RPTOR: variants seen among roughly 807,000 people sequenced by gnomAD.
RPTOR encodes regulatory-associated protein of mTOR.
Under a neutral mutation model 169.9 loss-of-function variants are expected in RPTOR, and 21 were observed. That is an observed-to-expected ratio of 0.12 (90% CI 0.09 to 0.18). The LOEUF is 0.18. RPTOR is among the 10% of genes least tolerant of loss of function. The pLI is 1.00. For missense variants in RPTOR, 1,133 were observed against 1,855.9 expected, an observed-to-expected ratio of 0.61 and a Z score of 7.16; for synonymous variants, 732 against 753.2, an observed-to-expected ratio of 0.97 and a Z score of 0.46.
At chr17:80,683,214 C>G (rs562870967) in intron 3 of RPTOR, among the ~76,000 whole-genome samples, 1 of 152,330 alleles carries the variant, frequency 6.6e-6, no homozygotes, top group African/African-American at 2.4e-5. Context: ...TCATCCTCCT[C>G]AGCTTTGCTT....
At chr17:80,755,183 G>C (rs2066668121) in intron 6 of RPTOR, among the ~76,000 whole-genome samples, 1 of 152,180 alleles carries the variant, frequency 6.6e-6, no homozygotes, top group African/African-American at 2.4e-5. Context: ...CATGATGTTG[G>C]GGTGACTGCA....
At chr17:80,857,247 AC>A (rs2067862701) in intron 12 of RPTOR, among the ~76,000 whole-genome samples, 1 of 152,010 alleles carries the variant, frequency 6.6e-6, no homozygotes, top group Non-Finnish European at 1.5e-5. Flanking sequence ...CCCCTGGGCA[AC>A]CCCCGCTCCT....
At chr17:80,575,481 G>A (rs879395749) in intron 1 of RPTOR, among the ~76,000 whole-genome samples, 9 of 152,222 alleles carry the variant, frequency 5.9e-5, no homozygotes, top group East Asian at 1.9e-4. Context: ...TGCACCGCAC[G>A]TCTGTAGGGG....
chr17:80,723,595 A>C (rs1421057389), intron 4 of RPTOR, among the ~76,000 whole-genome samples: 1 of 151,350 alleles, frequency 6.6e-6, no homozygotes, highest in African/African-American at 2.5e-5. Flanking sequence ...CCATTTTTCC[A>C]AGGATCTTTG....
chr17:80,760,307 C>CTT (rs71164001), intron 6 of RPTOR, among the ~76,000 whole-genome samples: 12 of 116,482 alleles, frequency 1.0e-4, no homozygotes, highest in Admixed American at 5.3e-4. Flanking sequence ...TTTCTTTTTT[C>CTT]TTTTTTTTTT....
chr17:80,753,958 T>C, intron 5 of RPTOR, 52 bp from the exon 6 acceptor site: 3 of 1,505,108 alleles, frequency 2.0e-6, no homozygotes, highest in Non-Finnish European at 2.8e-6. Flanking sequence ...ACTATTTGGT[T>C]GTGACCAGCA....
At chr17:80,650,583 T>C (rs2065632503) in intron 3 of RPTOR, among the ~76,000 whole-genome samples, 1 of 152,246 alleles carries the variant, frequency 6.6e-6, no homozygotes, top group Non-Finnish European at 1.5e-5. Context: ...CTTAGAAATG[T>C]AACTCTGGAC....
intron 3 of RPTOR, among the ~76,000 whole-genome samples, chr17:80,687,205 C>G (rs2065955140): frequency 6.6e-6 from 1 of 152,246 alleles, no homozygotes; most frequent in African/African-American, 2.4e-5. Flanking sequence ...TCCTCACTGT[C>G]TAGTCTTCTT....
At chr17:80,917,574 A>G (rs1193676822) in intron 21 of RPTOR, among the ~76,000 whole-genome samples, 7 of 152,160 alleles carry the variant, frequency 4.6e-5, no homozygotes, top group African/African-American at 1.7e-4. Flanking sequence ...GCATGTTTGC[A>G]ATTAACCTCT....
At chr17:80,649,193 C>G (rs1038962691) in intron 3 of RPTOR, among the ~76,000 whole-genome samples, 12 of 152,202 alleles carry the variant, frequency 7.9e-5, no homozygotes, top group African/African-American at 2.9e-4. Context: ...GTACTCCACA[C>G]CTGGAGGTGC....
chr17:80,944,364 A>T (rs183297376), intron 25 of RPTOR, among the ~76,000 whole-genome samples: 2 of 152,344 alleles, frequency 1.3e-5, no homozygotes, highest in Non-Finnish European at 2.9e-5. Flanking sequence ...AAACTTTAGC[A>T]CTTTCTTCAT....
chr17:80,606,234 T>C (rs1188414989), intron 1 of RPTOR, among the ~76,000 whole-genome samples: 1 of 151,790 alleles, frequency 6.6e-6, no homozygotes. Context: ...GTGGTCTCGA[T>C]CTGCTGACCT....
intron 20 of RPTOR, among the ~76,000 whole-genome samples, chr17:80,897,517 G>A (rs1462986314): frequency 2.0e-5 from 3 of 152,218 alleles, no homozygotes; most frequent in African/African-American, 7.2e-5. Context: ...CCTGTGCATG[G>A]CTGTTTGTTA....
chr17:80,636,959 A>G (rs1369686523), intron 2 of RPTOR, among the ~76,000 whole-genome samples: 1 of 152,264 alleles, frequency 6.6e-6, no homozygotes, highest in Non-Finnish European at 1.5e-5. Context: ...GAAGGTCTCC[A>G]GCAGATTCTG....
At chr17:80,592,018 C>T (rs1049220151) in intron 1 of RPTOR, among the ~76,000 whole-genome samples, 3 of 152,156 alleles carry the variant, frequency 2.0e-5, no homozygotes, top group Non-Finnish European at 4.4e-5. Context: ...GTGATGGATG[C>T]TTACTCATCC....
At chr17:80,579,190 A>G (rs1471060360) in intron 1 of RPTOR, among the ~76,000 whole-genome samples, 4 of 151,454 alleles carry the variant, frequency 2.6e-5, no homozygotes, top group African/African-American at 9.7e-5. Context: ...TTATTTGTTT[A>G]TTTATTTATT....
Position 80,822,840 on chromosome 17 carries a change from T to A in RPTOR, c.992-239T>A, listed in dbSNP as rs527674637. ...CCCATGTGTAATGTATCTGTATAGG[T>A]ACACACCTGTGCACACACATGTATG... On this transcript the variant is annotated intron_variant, in intron 8 of 33. Transcript: ENST00000306801. Among the ~76,000 whole-genome samples the A allele has an allele frequency of 2.6e-5, 4 of 152,240 alleles. No individual in the cohort carries two copies. In the South Asian group the frequency reaches 8.3e-4, roughly 32 times the overall value.
At chr17:80,778,332 C>T (rs1161098762) in intron 6 of RPTOR, among the ~76,000 whole-genome samples, 1 of 152,144 alleles carries the variant, frequency 6.6e-6, no homozygotes, top group Non-Finnish European at 1.5e-5. Flanking sequence ...CTTAGCAAAC[C>T]GAATGCAACC....
chr17:80,924,010 G>A lies in RPTOR; in HGVS notation c.2808+337G>A, dbSNP rs1235146790. On this transcript the variant is annotated intron_variant, in intron 23 of 33. Coordinates refer to ENST00000306801, the MANE Select transcript of RPTOR (RefSeq NM_020761.3). ...CTTCCATGTAACGAAACAGGAGCAC[G>A]GAGTTACCTGGCTCTGCCCTTCCTG... is the stretch of plus-strand genomic sequence containing the variant. 8.0e-5 allele frequency: 29 copies of A among 360,924 alleles called. No individual in the cohort carries two copies. In the South Asian group the frequency reaches 1.3e-3, roughly 17 times the overall value. 22.4% of individuals were successfully genotyped at this position (360,924 alleles called of 1,614,324 possible).
Sources: allele counts gnomAD v4.1 joint callset (sites outside exome capture counted in the v4.1 genomes callset), GRCh38; gene constraint gnomAD v4.1.1; transcripts MANE v1.5; gene names NCBI Gene and HGNC (gene_info 2026-07-23, HGNC 2026-07-21).